Variants in ABRACL observed in about 807,000 individuals in gnomAD.
ABRACL encodes the protein costars family protein ABRACL.
Under a neutral mutation model 7.0 loss-of-function variants are expected in ABRACL, and 4 were observed. That is an observed-to-expected ratio of 0.57 (90% confidence interval 0.28 to 1.30). The LOEUF (loss-of-function observed/expected upper bound fraction) is 1.30. Among genes scored for constraint, ABRACL ranks in the 50% most tolerant of loss-of-function variants. ABRACL has a pLI of 0.10. For missense variants in ABRACL, 104 were observed against 97.3 expected, an observed-to-expected ratio of 1.07 and a Z score of -0.29; for synonymous variants, 30 against 36.0, an observed-to-expected ratio of 0.83 and a Z score of 0.60.
At position 139,042,067 on chromosome 6, in the gene ABRACL, AG is replaced by A. The variant is rs200968775; in HGVS notation, c.62-649del. On this transcript the variant is annotated intron_variant, in intron 2 of 2. Transcript: ENST00000367660. ...GTGGTCAAAGGAATCGCCCAAGGATAGGGAGGTGTCTCCCAGATTACCCTTG... is the reference window on the plus strand; with the variant it reads ...GTGGTCAAAGGAATCGCCCAAGGATAGGAGGTGTCTCCCAGATTACCCTTG... Among the ~76,000 whole-genome samples the A allele has an allele frequency of 1.0e-3, 154 of 152,316 alleles. 3 individuals are homozygous for A. In the East Asian group the frequency reaches 0.024, roughly 23 times the overall value.
intron 2 of ABRACL, among the ~76,000 whole-genome samples, chr6:139,039,739 T>C (rs942244595): frequency 2.0e-5 from 3 of 152,140 alleles, no homozygotes; most frequent in African/African-American, 7.2e-5. Context: ...AAGTGATAGA[T>C]GCAAGGCCAG....
chr6:139,039,634 C>T (rs1786215143), intron 2 of ABRACL, among the ~76,000 whole-genome samples: 1 of 152,140 alleles, frequency 6.6e-6, no homozygotes, highest in Non-Finnish European at 1.5e-5. Flanking sequence ...GGCACTGTTA[C>T]AAAGGCAGAA....
At chr6:139,029,816 G>T (rs117194305) in intron 1 of ABRACL, among the ~76,000 whole-genome samples, 7 of 152,310 alleles carry the variant, frequency 4.6e-5, no homozygotes, top group Non-Finnish European at 8.8e-5. Context: ...GTTGGTTCCT[G>T]ATTCCGGACA....
intron 1 of ABRACL, among the ~76,000 whole-genome samples, chr6:139,032,313 A>G (rs1196644219): frequency 6.6e-6 from 1 of 152,088 alleles, no homozygotes; most frequent in Non-Finnish European, 1.5e-5. Flanking sequence ...GTGCCTGTGT[A>G]CTCTGTGTAT....
intron 1 of ABRACL, among the ~76,000 whole-genome samples, 194 bp downstream of exon 1, chr6:139,029,069 C>T (rs1582897300): frequency 2.0e-5 from 3 of 152,170 alleles, no homozygotes; most frequent in South Asian, 4.1e-4. Context: ...GCGCGCCGCC[C>T]ACGCCCCCAC....
chr6:139,041,451 C>CTCTCTCTATATATA (rs140091253), intron 2 of ABRACL, among the ~76,000 whole-genome samples: 266 of 110,018 alleles, frequency 2.4e-3, no homozygotes, highest in Non-Finnish European at 4.1e-3. Flanking sequence ...CTCTCTCTCT[C>CTCTCTCTATATATA]TATATATATA....
chr6:139,029,122 C>G (rs1251393878), intron 1 of ABRACL, among the ~76,000 whole-genome samples: 2 of 152,174 alleles, frequency 1.3e-5, no homozygotes, highest in Non-Finnish European at 2.9e-5. Context: ...GACGTTTCGC[C>G]GGCCGGGGGC....
Position 139,043,138 on chromosome 6 carries a change from A to T in ABRACL, c.*235A>T. On this transcript the variant is annotated 3_prime_UTR_variant, in exon 3 of 3. Coordinates refer to ENST00000367660, the MANE Select transcript of ABRACL (RefSeq NM_021243.3). The stretch of plus-strand genomic sequence containing the variant: ...GGAATCTGGTTAGGAATTGCAGGCA[A>T]TGAGATTTTTTGCGGGGCAGGGATG... 3.1e-6 allele frequency: 1 copy of T among 327,494 alleles called. No homozygotes were observed. Among genetic ancestry groups the T allele is most frequent in the Non-Finnish European group, 5.4e-6 (1 of 183,974 alleles). 20.3% of individuals were successfully genotyped at this position (327,494 alleles called of 1,614,324 possible). A position where few individuals can be genotyped will look rare whatever the true frequency, so the allele number is the denominator to read the frequency against.
chr6:139,035,179 A>G lies in ABRACL; in HGVS notation c.61+958A>G, dbSNP rs111254081. On this transcript the variant is annotated intron_variant, in intron 2 of 2. Coordinates refer to ENST00000367660, the MANE Select transcript of ABRACL (RefSeq NM_021243.3). The stretch of plus-strand genomic sequence containing the variant: ...TGGAAAATTCCATTAAGCCATTAAT[A>G]TCAAATGTCCCCTGCAGTGGTTTTC... Among the ~76,000 whole-genome samples the G allele has an allele frequency of 6.3e-3, 955 of 152,346 alleles. 8 individuals are homozygous for G. The highest frequency in any genetic ancestry group is 0.022 in the African/African-American group (921 of 41,570).
chr6:139,037,003 T>C (rs1047085431), intron 2 of ABRACL, among the ~76,000 whole-genome samples: 1 of 141,680 alleles, frequency 7.1e-6, no homozygotes, highest in Non-Finnish European at 1.5e-5. Context: ...ACAAAAACAA[T>C]AAAAAACTCA....
intron 2 of ABRACL, among the ~76,000 whole-genome samples, chr6:139,042,444 C>G (rs898014366): frequency 3.3e-5 from 5 of 152,244 alleles, no homozygotes; most frequent in African/African-American, 1.2e-4. Flanking sequence ...AGAAATTCAT[C>G]TGCAGTATTA....
At chr6:139,030,074 C>G (rs1017598578) in intron 1 of ABRACL, among the ~76,000 whole-genome samples, 10 of 152,060 alleles carry the variant, frequency 6.6e-5, no homozygotes, top group African/African-American at 2.4e-4. Flanking sequence ...TTCCCTGGAG[C>G]CTTTTCCTGT....
intron 1 of ABRACL, among the ~76,000 whole-genome samples, chr6:139,033,012 G>C (rs1393989060): frequency 6.6e-6 from 1 of 152,210 alleles, no homozygotes; most frequent in Non-Finnish European, 1.5e-5. Flanking sequence ...GGTGCTATGG[G>C]AACACACAGT....
At chr6:139,031,755 A>G (rs900632690) in intron 1 of ABRACL, among the ~76,000 whole-genome samples, 3 of 152,196 alleles carry the variant, frequency 2.0e-5, no homozygotes, top group Non-Finnish European at 4.4e-5. Flanking sequence ...GGATGGGCTC[A>G]GCTACGTCAT....
chr6:139,038,096 A>G (rs1786191834), intron 2 of ABRACL, among the ~76,000 whole-genome samples: 1 of 151,982 alleles, frequency 6.6e-6, no homozygotes, highest in Non-Finnish European at 1.5e-5. Context: ...TATTGTTTGG[A>G]TAGTTATAGG....
At chr6:139,030,634 G>A (rs920545255) in intron 1 of ABRACL, among the ~76,000 whole-genome samples, 3 of 152,176 alleles carry the variant, frequency 2.0e-5, no homozygotes, top group Non-Finnish European at 2.9e-5. Context: ...GTCTGGGCAG[G>A]GAGCCTTTCT....
intron 2 of ABRACL, among the ~76,000 whole-genome samples, chr6:139,038,496 A>AT (rs1392354521): frequency 6.6e-6 from 1 of 152,222 alleles, no homozygotes; most frequent in Non-Finnish European, 1.5e-5. Context: ...CATATGATGT[A>AT]TGAGCTGAGG....
chr6:139,033,937 A>G (rs528949066), intron 1 of ABRACL, among the ~76,000 whole-genome samples: 1 of 152,246 alleles, frequency 6.6e-6, no homozygotes, highest in African/African-American at 2.4e-5. Flanking sequence ...ACAGACGTGG[A>G]GAATAGGAGT....
At chr6:139,032,108 C>T (rs1380351913) in intron 1 of ABRACL, among the ~76,000 whole-genome samples, 2 of 152,044 alleles carry the variant, frequency 1.3e-5, no homozygotes, top group African/African-American at 2.4e-5. Context: ...CTACAGGCGC[C>T]CGCCACCACG....
Sources: gnomAD v4.1 joint callset for allele counts (sites outside exome capture counted in the v4.1 genomes callset) on GRCh38, gnomAD v4.1.1 for gene constraint, MANE v1.5 for transcripts, NCBI Gene and HGNC (gene_info 2026-07-23, HGNC 2026-07-21) for gene names.